Variants in PCCA observed in about 807,000 individuals in gnomAD.
PCCA encodes propionyl-CoA carboxylase subunit alpha.
In PCCA, 74 loss-of-function variants were observed where a neutral mutation model predicts 101.3. That is an observed-to-expected ratio of 0.73 (90% CI 0.61 to 0.89). PCCA has a LOEUF of 0.89. Ranked by LOEUF, PCCA falls within the 40% of genes least tolerant of loss-of-function variation. PCCA has a pLI of 0.00. For missense variants in PCCA, 891 were observed against 907.0 expected (o/e 0.98, Z 0.23); for synonymous variants, 294 against 313.6 (o/e 0.94, Z 0.66).
chr13:100,476,237 A>G (rs2083412329), intron 21 of PCCA, among the ~76,000 whole-genome samples: 1 of 152,202 alleles, frequency 6.6e-6, no homozygotes, highest in Non-Finnish European at 1.5e-5. Flanking sequence ...TTGAGATTTA[A>G]ACCAACTACT....
At chr13:100,095,730 C>T (rs1199877672) in intron 1 of PCCA, among the ~76,000 whole-genome samples, 13 of 152,166 alleles carry the variant, frequency 8.5e-5, no homozygotes, top group African/African-American at 2.9e-4. Context: ...TTGGAGTGAA[C>T]TGAATGAGGG....
chr13:100,184,703 A>G (rs1374522988), intron 6 of PCCA, among the ~76,000 whole-genome samples: 1 of 152,250 alleles, frequency 6.6e-6, no homozygotes. Context: ...CTGTGTTTCA[A>G]TACAACTTTC....
At chr13:100,167,615 TTTC>T (rs1233142467) in intron 6 of PCCA, among the ~76,000 whole-genome samples, 1 of 152,196 alleles carries the variant, frequency 6.6e-6, no homozygotes, top group Non-Finnish European at 1.5e-5. Flanking sequence ...TCACTGAGAC[TTTC>T]TTGTTTTTTG....
chr13:100,260,906 A>G (rs1009172965), intron 9 of PCCA, among the ~76,000 whole-genome samples: 1 of 151,584 alleles, frequency 6.6e-6, no homozygotes, highest in South Asian at 2.1e-4. Context: ...AAAAAAAAAA[A>G]GGAAGAACGG....
intron 21 of PCCA, among the ~76,000 whole-genome samples, chr13:100,454,644 T>C (rs576672762): frequency 1.3e-5 from 2 of 152,336 alleles, no homozygotes; most frequent in African/African-American, 4.8e-5. Flanking sequence ...CTTGTAGAAT[T>C]TTCTATATAA....
intron 11 of PCCA, among the ~76,000 whole-genome samples, chr13:100,270,351 C>T (rs528177610): frequency 7.2e-5 from 11 of 152,258 alleles, no homozygotes; most frequent in African/African-American, 2.6e-4. Context: ...AAAAAGGATA[C>T]CTGTGGAACA....
intron 6 of PCCA, among the ~76,000 whole-genome samples, chr13:100,188,687 T>C (rs1384702291): frequency 1.3e-5 from 2 of 152,214 alleles, no homozygotes; most frequent in Non-Finnish European, 2.9e-5. Flanking sequence ...AGTGTAAAAG[T>C]GTTCCCTTTT....
intron 18 of PCCA, among the ~76,000 whole-genome samples, chr13:100,344,051 G>A (rs2071806807): frequency 6.6e-6 from 1 of 152,146 alleles, no homozygotes; most frequent in Non-Finnish European, 1.5e-5. Context: ...CTCCAGCCCG[G>A]GTAACAGAGC....
Position 100,385,452 on chromosome 13 carries a change from TA to T in PCCA, c.1746+16885del, listed in dbSNP as rs144060826. 5.1e-3 allele frequency among the ~76,000 whole-genome samples: 775 copies of T among 152,120 alleles called. 16 individuals carry two copies. The highest frequency in any genetic ancestry group is 0.018 in the African/African-American group (750 of 41,498). ...ATATGAAAATGAACAAAAGCCCTGGTAAAAAAATATTCAGAGACAGTTTACA... is the reference window on the plus strand; with the variant it reads ...ATATGAAAATGAACAAAAGCCCTGGTAAAAAATATTCAGAGACAGTTTACA... On this transcript the variant is annotated intron_variant, in intron 19 of 23. Coordinates refer to ENST00000376285, the MANE Select transcript of PCCA (RefSeq NM_000282.4).
chr13:100,253,593 T>C (rs192441445), intron 8 of PCCA, among the ~76,000 whole-genome samples: 9 of 152,328 alleles, frequency 5.9e-5, no homozygotes, highest in African/African-American at 2.2e-4. Flanking sequence ...AATGGAAACT[T>C]TGTAGTACTT....
At chr13:100,226,686 C>T (rs1351275189) in intron 7 of PCCA, among the ~76,000 whole-genome samples, 5 of 152,108 alleles carry the variant, frequency 3.3e-5, no homozygotes, top group Admixed American at 6.5e-5. Context: ...TCTATGTTAT[C>T]TAGGTTCAGA....
Position 100,089,535 on chromosome 13 carries a change from G to C in PCCA, c.105+310G>C, listed in dbSNP as rs114947236. Among the ~76,000 whole-genome samples the C allele has an allele frequency of 5.1e-3, 775 of 152,370 alleles. 7 individuals are homozygous for C. Among genetic ancestry groups the C allele is most frequent in the African/African-American group, 0.018 (749 of 41,592 alleles). ...TGGGCAGGCATATTGCTCGAGGTCT[G>C]CTTCCAGGGCCCCGCGGCATTGGCT... On this transcript the variant is annotated intron_variant, in intron 1 of 23. Transcript: ENST00000376285.
chr13:100,398,803 G>A (rs1338157486), intron 19 of PCCA, among the ~76,000 whole-genome samples: 5 of 152,028 alleles, frequency 3.3e-5, no homozygotes. Flanking sequence ...AATGCACTTT[G>A]TCTTTAACCA....
At chr13:100,440,880 T>C (rs1016038759) in intron 20 of PCCA, among the ~76,000 whole-genome samples, 2 of 152,154 alleles carry the variant, frequency 1.3e-5, no homozygotes, top group Non-Finnish European at 2.9e-5. Context: ...TCCTGACATA[T>C]CAATACAGCT....
At chr13:100,494,406 G>A (rs186722394) in intron 21 of PCCA, among the ~76,000 whole-genome samples, 21 of 152,096 alleles carry the variant, frequency 1.4e-4, no homozygotes, top group Admixed American at 5.9e-4. Flanking sequence ...AATTCCGGCC[G>A]GGTACGGTGG....
intron 6 of PCCA, among the ~76,000 whole-genome samples, chr13:100,175,464 G>A (rs183308111): frequency 3.9e-5 from 6 of 152,162 alleles, no homozygotes; most frequent in African/African-American, 1.4e-4. Flanking sequence ...GTGGTGACAG[G>A]CTGCTCTGTT....
At chr13:100,115,254 A>G (rs1380067028) in intron 4 of PCCA, among the ~76,000 whole-genome samples, 1 of 151,866 alleles carries the variant, frequency 6.6e-6, no homozygotes, top group African/African-American at 2.4e-5. Flanking sequence ...GAGTAGAAGG[A>G]TGGTTACCAG....
chr13:100,515,825 C>T (rs1207330111), intron 22 of PCCA, among the ~76,000 whole-genome samples: 1 of 152,242 alleles, frequency 6.6e-6, no homozygotes, highest in African/African-American at 2.4e-5. Context: ...CATCATTTTG[C>T]AAATGCAGTG....
chr13:100,221,643 C>G (rs1008890890), intron 7 of PCCA, among the ~76,000 whole-genome samples: 11 of 151,918 alleles, frequency 7.2e-5, no homozygotes, highest in African/African-American at 2.7e-4. Context: ...GCACTAACGA[C>G]TATTTCTGAA....
Sources: allele counts gnomAD v4.1 joint callset (sites outside exome capture counted in the v4.1 genomes callset), GRCh38; gene constraint gnomAD v4.1.1; transcripts MANE v1.5; gene names NCBI Gene and HGNC (gene_info 2026-07-23, HGNC 2026-07-21).